The following RASSF5 variants were observed in gnomAD, a reference collection of about 807,000 sequenced individuals.
RASSF5 encodes ras association domain-containing protein 5.
Under a neutral mutation model 40.5 loss-of-function variants are expected in RASSF5, and 25 were observed. The ratio of observed to expected loss-of-function variants is 0.62; its 90% confidence interval spans 0.45 to 0.86. The LOEUF is 0.86. Among genes scored for constraint, RASSF5 ranks in the 40% least tolerant of loss-of-function variants. RASSF5 has a pLI of 0.00. For missense variants in RASSF5, 521 were observed against 572.8 expected, an observed-to-expected ratio of 0.91 and a Z score of 0.92; for synonymous variants, 246 against 252.4, an observed-to-expected ratio of 0.97 and a Z score of 0.24.
intron 2 of RASSF5, among the ~76,000 whole-genome samples, chr1:206,562,908 C>T (rs1164995881): frequency 1.3e-5 from 2 of 149,826 alleles, no homozygotes; most frequent in African/African-American, 4.9e-5. Flanking sequence ...GGCGACAGAA[C>T]GAGTCTCTGT....
chr1:206,589,185 T>TGTAA lies in RASSF5; in HGVS notation c.*2210_*2213dup, dbSNP rs1396040845. On this transcript the variant is annotated 3_prime_UTR_variant, in exon 6 of 6. Transcript: ENST00000579436. Reference sequence around the variant, plus strand: ...CCTTCTTTGGTTGTGTTGCTCAGTGTGTAAGTGTTTGTTTCCAGGATATTT... The same window carrying TGTAA: ...CCTTCTTTGGTTGTGTTGCTCAGTGTGTAAGTAAGTGTTTGTTTCCAGGATATTT... 3 of 152,886 alleles carry TGTAA rather than the reference T, an allele frequency of 2.0e-5. No individual in the cohort carries two copies. Among genetic ancestry groups the TGTAA allele is most frequent in the East Asian group, 1.9e-4 (1 of 5,332 alleles). 9.5% of individuals were successfully genotyped at this position (152,886 alleles called of 1,614,324 possible).
In RASSF5 at chr1:206,535,134, T is replaced by G. The variant is rs1455441762; in HGVS notation, c.458-3038T>G. Among the ~76,000 whole-genome samples, 7 of 151,724 alleles carry G rather than the reference T, an allele frequency of 4.6e-5. No homozygotes were observed. ...AGGAGACTGAGGTGAGCCCGGGAGG[T>G]GGAGTTTGCAGAGAGCCACGATAGT... On this transcript the variant is annotated intron_variant, in intron 1 of 5. Transcript: ENST00000579436. This position sits in a 1 kb window ranked among gnomAD's most constrained non-coding sequence, Gnocchi z 5.0.
intron 1 of RASSF5, among the ~76,000 whole-genome samples, chr1:206,516,976 T>TCAGAA (rs1270281024): frequency 3.9e-5 from 6 of 152,120 alleles, no homozygotes; most frequent in South Asian, 4.1e-4. Flanking sequence ...GCCCTTCTTC[T>TCAGAA]GGTACAGAGG....
intron 2 of RASSF5, among the ~76,000 whole-genome samples, chr1:206,561,663 C>CTTTTTTTT (rs61094454): frequency 6.8e-5 from 8 of 118,016 alleles, no homozygotes; most frequent in African/African-American, 2.0e-4. Context: ...TTTTCTTTTT[C>CTTTTTTTT]TTTTTTTTTT....
In RASSF5 at chr1:206,557,765, A is replaced by T; in HGVS notation, c.579+19472A>T. The stretch of plus-strand genomic sequence containing the variant: ...CCTCTGTGGTCAATCTAGAAGGGAA[A>T]CCTTGCTCCCAGCAAAGGGACAAAG... On this transcript the variant is annotated intron_variant, in intron 2 of 5. Coordinates refer to ENST00000579436, the MANE Select transcript of RASSF5 (RefSeq NM_182663.4). 3 of 1,537,792 alleles carry T rather than the reference A, an allele frequency of 2.0e-6. No individual in the cohort carries two copies. The East Asian group carries it at 6.8e-5, about 35-fold the overall frequency.
chr1:206,552,634 A>G lies in RASSF5; in HGVS notation c.579+14341A>G. On this transcript the variant is annotated intron_variant, in intron 2 of 5. Coordinates refer to ENST00000579436, the MANE Select transcript of RASSF5 (RefSeq NM_182663.4). This position sits in a 1 kb window ranked among gnomAD's most constrained non-coding sequence, Gnocchi z 4.1. ...AGTCGGTGGAGAAAGGACAATTGTA[A>G]TGGAAAGTTACAGGGGCTCTGGGTT... Among the ~76,000 whole-genome samples the G allele has an allele frequency of 6.6e-6, 1 of 152,140 alleles. No individual in the cohort carries two copies. The highest frequency in any genetic ancestry group is 2.1e-4 in the South Asian group (1 of 4,830).
intron 1 of RASSF5, among the ~76,000 whole-genome samples, chr1:206,536,844 A>G (rs1447400673): frequency 6.7e-6 from 1 of 149,080 alleles, no homozygotes; most frequent in Non-Finnish European, 1.5e-5. Context: ...AGGAAAATTT[A>G]TGAGATTCCA....
intron 2 of RASSF5, among the ~76,000 whole-genome samples, chr1:206,546,768 C>T (rs1553400239): frequency 6.6e-6 from 1 of 152,212 alleles, no homozygotes; most frequent in Non-Finnish European, 1.5e-5. Flanking sequence ...TCATCTAACA[C>T]CAAACCTATT....
At chr1:206,540,844 G>T (rs1667528253) in intron 2 of RASSF5, among the ~76,000 whole-genome samples, 1 of 152,072 alleles carries the variant, frequency 6.6e-6, no homozygotes, top group South Asian at 2.1e-4. Context: ...CTACTTCCGG[G>T]TATATATGGC....
At position 206,585,399 on chromosome 1, in the gene RASSF5, G is replaced by A. The variant is rs548269579; in HGVS notation, c.1104+104G>A. 9.8e-5 allele frequency: 79 copies of A among 809,790 alleles called. No individual in the cohort carries two copies. In the East Asian group the frequency reaches 1.2e-3, roughly 12 times the overall value. The allele number at this position is 809,790 out of a possible 1,614,324, so 50.2% of individuals were successfully genotyped here. The stretch of plus-strand genomic sequence containing the variant: ...CACATAGGTGGGAGCCACGCAGCAC[G>A]GGCAGGAAGGTGACTGTTGAGAGAG... On this transcript the variant is annotated intron_variant, in intron 5 of 5. Transcript: ENST00000579436.
At chr1:206,555,689 T>C (rs1382041090) in intron 2 of RASSF5, among the ~76,000 whole-genome samples, 2 of 152,198 alleles carry the variant, frequency 1.3e-5, no homozygotes, top group Non-Finnish European at 2.9e-5. Context: ...CTACTGGTAT[T>C]GACAGTTCTC....
At chr1:206,561,557 A>G (rs1309310565) in intron 2 of RASSF5, among the ~76,000 whole-genome samples, 12 of 152,114 alleles carry the variant, frequency 7.9e-5, no homozygotes, top group Admixed American at 7.2e-4. Flanking sequence ...ATGTTAATAG[A>G]TAAACCTCTA....
At chr1:206,539,938 G>A (rs1453484654) in intron 2 of RASSF5, among the ~76,000 whole-genome samples, 1 of 152,076 alleles carries the variant, frequency 6.6e-6, no homozygotes, top group East Asian at 1.9e-4. Flanking sequence ...AGCCCTGCAC[G>A]CCACCCTGGA....
chr1:206,585,593 C>A, intron 5 of RASSF5: 1 of 252,570 alleles, frequency 4.0e-6, no homozygotes, highest in Non-Finnish European at 7.8e-6. Flanking sequence ...ACTCCCTGTG[C>A]TCAGGCACAG....
At chr1:206,516,929 G>A (rs1293527795) in intron 1 of RASSF5, among the ~76,000 whole-genome samples, 1 of 152,092 alleles carries the variant, frequency 6.6e-6, no homozygotes, top group Non-Finnish European at 1.5e-5. Context: ...CTTGTTTGAT[G>A]GTCCCAAGTG....
chr1:206,526,241 C>A (rs1667092096), intron 1 of RASSF5, among the ~76,000 whole-genome samples: 2 of 127,614 alleles, frequency 1.6e-5, no homozygotes, highest in South Asian at 5.5e-4. Flanking sequence ...TTGACCTTTC[C>A]TGTTTGCTTC....
At chr1:206,558,378 T>C (rs568756626) in intron 2 of RASSF5, among the ~76,000 whole-genome samples, 10 of 151,938 alleles carry the variant, frequency 6.6e-5, no homozygotes, top group Admixed American at 2.0e-4. Flanking sequence ...ACTCTCCTAG[T>C]TGGCTGCAGG....
intron 1 of RASSF5, among the ~76,000 whole-genome samples, chr1:206,525,101 C>T (rs1667063583): frequency 6.6e-6 from 1 of 152,178 alleles, no homozygotes; most frequent in African/African-American, 2.4e-5. Context: ...CCCAAGACAC[C>T]CCTACTTCAA....
intron 1 of RASSF5, among the ~76,000 whole-genome samples, chr1:206,518,695 G>A (rs1297482304): frequency 6.6e-6 from 1 of 152,124 alleles, no homozygotes; most frequent in Non-Finnish European, 1.5e-5. Context: ...ACTCCGCAAG[G>A]ACAAAGGCAC....
Sources: allele counts gnomAD v4.1 joint callset (sites outside exome capture counted in the v4.1 genomes callset), GRCh38; gene constraint gnomAD v4.1.1; non-coding constraint Gnocchi (gnomAD v3.1); transcripts MANE v1.5; gene names NCBI Gene and HGNC (gene_info 2026-07-23, HGNC 2026-07-21).